Variants in BMP2K observed in about 807,000 individuals in gnomAD.
BMP2K encodes the protein BMP-2-inducible protein kinase.
Under a neutral mutation model 116.0 loss-of-function variants are expected in BMP2K, and 74 were observed. The ratio of observed to expected loss-of-function variants is 0.64; its 90% confidence interval spans 0.53 to 0.77. The LOEUF is 0.77. Ranked by LOEUF, BMP2K falls within the 30% of genes least tolerant of loss-of-function variation. The pLI, the probability that BMP2K is intolerant of heterozygous loss-of-function variation, is 0.00. For missense variants in BMP2K, 1,365 were observed against 1,403.6 expected, an observed-to-expected ratio of 0.97 and a Z score of 0.44; for synonymous variants, 486 against 502.5, an observed-to-expected ratio of 0.97 and a Z score of 0.44.
At chr4:78,856,073 A>C (rs2110039551) in intron 7 of BMP2K, among the ~76,000 whole-genome samples, 1 of 152,278 alleles carries the variant, frequency 6.6e-6, no homozygotes, top group African/African-American at 2.4e-5. Context: ...AATAGATGAT[A>C]TGGTTTTATT....
chr4:78,823,473 C>G (rs1423511656), intron 1 of BMP2K, among the ~76,000 whole-genome samples: 1 of 147,572 alleles, frequency 6.8e-6, no homozygotes, highest in Admixed American at 6.8e-5. Flanking sequence ...TGCTCTCTCT[C>G]TCATATATAT....
At chr4:78,789,071 G>A (rs1335714826) in intron 1 of BMP2K, among the ~76,000 whole-genome samples, 1 of 151,928 alleles carries the variant, frequency 6.6e-6, no homozygotes, top group Non-Finnish European at 1.5e-5. Flanking sequence ...CCTTCTCAGA[G>A]CCTCTTACAG....
At chr4:78,909,328 A>G (rs1350711162) in intron 15 of BMP2K, among the ~76,000 whole-genome samples, 3 of 150,756 alleles carry the variant, frequency 2.0e-5, no homozygotes, top group Non-Finnish European at 3.0e-5. Context: ...GAGCCACCGC[A>G]CCCAGCCCCC....
At chr4:78,859,073 A>G (rs1731643254) in intron 7 of BMP2K, 1 of 151,964 alleles carries the variant, frequency 6.6e-6, no homozygotes, top group Non-Finnish European at 1.5e-5. Context: ...GTTAGCATCA[A>G]TATGGGAAGA....
intron 1 of BMP2K, among the ~76,000 whole-genome samples, chr4:78,795,748 CAAAAG>C (rs1728228589): frequency 1.3e-5 from 2 of 152,084 alleles, no homozygotes; most frequent in Admixed American, 6.5e-5. Flanking sequence ...AGACACTTCT[CAAAAG>C]AAGACATTTA....
intron 3 of BMP2K, among the ~76,000 whole-genome samples, chr4:78,834,623 C>T (rs1411233535): frequency 6.6e-6 from 1 of 152,096 alleles, no homozygotes; most frequent in East Asian, 1.9e-4. Context: ...ACTTGCAAGC[C>T]ATATTTGGCA....
intron 1 of BMP2K, among the ~76,000 whole-genome samples, chr4:78,797,839 G>T (rs1375739956): frequency 1.3e-5 from 2 of 152,038 alleles, no homozygotes; most frequent in Non-Finnish European, 2.9e-5. Context: ...TTTTATTTTA[G>T]AGATAGGGTC....
At chr4:78,830,671 T>C (rs1730166471) in intron 2 of BMP2K, among the ~76,000 whole-genome samples, 1 of 152,210 alleles carries the variant, frequency 6.6e-6, no homozygotes. Flanking sequence ...CTGCTTTACT[T>C]TGTACTTAAT....
chr4:78,834,366 A>G (rs1730359510), intron 3 of BMP2K, among the ~76,000 whole-genome samples: 1 of 149,984 alleles, frequency 6.7e-6, no homozygotes, highest in African/African-American at 2.5e-5. Flanking sequence ...GGTTCATGCC[A>G]TTCTCCTGCC....
rs144653564 is a variant in BMP2K, at chr4:78,900,397, G to C, written c.2063-10213G>C. ...ACCTCTAATCCCCTCATTGTTCAAG[G>C]CTCAACTGTATATAGAAAGACTGAA... On this transcript the variant is annotated intron_variant, in intron 15 of 15. Transcript: ENST00000502613. 4.4e-3 allele frequency among the ~76,000 whole-genome samples: 677 copies of C among 152,228 alleles called. 2 individuals carry two copies. The highest frequency in any genetic ancestry group is 0.015 in the African/African-American group (640 of 41,554).
intron 1 of BMP2K, among the ~76,000 whole-genome samples, chr4:78,807,548 G>T: frequency 6.6e-6 from 1 of 150,788 alleles, no homozygotes; most frequent in Non-Finnish European, 1.5e-5. Flanking sequence ...TCTAGTCTTG[G>T]GCTTTTCTTT....
intron 1 of BMP2K, among the ~76,000 whole-genome samples, chr4:78,811,153 A>G (rs1305037226): frequency 6.6e-6 from 1 of 152,134 alleles, no homozygotes; most frequent in African/African-American, 2.4e-5. Context: ...CACTTGTGGT[A>G]TTTCATTTGT....
At chr4:78,897,861 G>T (rs1733785345) in intron 15 of BMP2K, among the ~76,000 whole-genome samples, 1 of 152,184 alleles carries the variant, frequency 6.6e-6, no homozygotes, top group African/African-American at 2.4e-5. Context: ...TACAGCCCTT[G>T]CCTCTCAAGG....
intron 1 of BMP2K, among the ~76,000 whole-genome samples, chr4:78,809,898 A>C (rs1729003374): frequency 6.6e-6 from 1 of 151,864 alleles, no homozygotes. Flanking sequence ...CTCTATATGG[A>C]CTATACTTTT....
intron 1 of BMP2K, among the ~76,000 whole-genome samples, chr4:78,812,905 A>T (rs1560511144): frequency 6.6e-6 from 1 of 151,926 alleles, no homozygotes; most frequent in African/African-American, 2.4e-5. Context: ...CTTAGCTGGC[A>T]TGGTGGTGTG....
chr4:78,786,908 T>C (rs73830203), intron 1 of BMP2K, among the ~76,000 whole-genome samples: 2,159 of 152,326 alleles, frequency 0.014, 46 homozygotes, highest in African/African-American at 0.049. Context: ...ATTCTTTTTT[T>C]CCCTCTCATT....
chr4:78,850,843 T>A (rs548963773), intron 6 of BMP2K, 81 bp from the exon 7 acceptor site: 12 of 1,476,728 alleles, frequency 8.1e-6, no homozygotes, highest in Middle Eastern at 2.2e-4. Flanking sequence ...ATGACTTTTT[T>A]AAAGTAACAT....
rs147526370 is a variant in BMP2K at position 78,843,426 on chromosome 4, CT to C, written c.546+909del. ...AAGCTCCATGAGGGCCAGGACTTTT[CT>C]TTTTTTTTTCTTCCATTTTTAGTGA... On this transcript the variant is annotated intron_variant, in intron 4 of 15. Coordinates refer to ENST00000502613, the MANE Select transcript of BMP2K (RefSeq NM_198892.2). 5.7e-3 allele frequency among the ~76,000 whole-genome samples: 850 copies of C among 148,956 alleles called. 11 individuals are homozygous for C. Among genetic ancestry groups the C allele is most frequent in the African/African-American group, 0.02 (802 of 40,784 alleles).
intron 15 of BMP2K, among the ~76,000 whole-genome samples, chr4:78,904,882 AAGAT>A (rs1377908975): frequency 2.6e-5 from 4 of 151,942 alleles, no homozygotes; most frequent in African/African-American, 9.7e-5. Context: ...TTCTGAAAAT[AAGAT>A]AGTTATAATT....
Sources: allele counts gnomAD v4.1 joint callset (sites outside exome capture counted in the v4.1 genomes callset), GRCh38; gene constraint gnomAD v4.1.1; transcripts MANE v1.5; gene names NCBI Gene and HGNC (gene_info 2026-07-23, HGNC 2026-07-21).